The following NOL9 variants were observed in gnomAD, a reference collection of about 807,000 sequenced individuals.
NOL9 encodes nucleolar protein 9.
Under a neutral mutation model 67.9 loss-of-function variants are expected in NOL9, and 28 were observed. That is an observed-to-expected ratio of 0.41 (90% CI 0.31 to 0.57). The LOEUF (loss-of-function observed/expected upper bound fraction) is 0.57. NOL9 is among the 20% of genes least tolerant of loss of function. The pLI is 0.25. For missense variants in NOL9, 777 were observed against 897.0 expected, an observed-to-expected ratio of 0.87 and a Z score of 1.71; for synonymous variants, 356 against 352.2, an observed-to-expected ratio of 1.01 and a Z score of -0.12.
At chr1:6,546,001 G>C (rs1163496318) in intron 3 of NOL9, among the ~76,000 whole-genome samples, 1 of 144,850 alleles carries the variant, frequency 6.9e-6, no homozygotes. Context: ...GAAAACAACA[G>C]AACAAGGCCT....
intron 3 of NOL9, among the ~76,000 whole-genome samples, chr1:6,546,315 G>A (rs1264699434): frequency 6.6e-6 from 1 of 152,174 alleles, no homozygotes; most frequent in Non-Finnish European, 1.5e-5. Context: ...TTCACTTTCA[G>A]TAACCAAGGC....
chr1:6,532,836 C>T (rs1447423803), intron 7 of NOL9, 76 bp from the exon 8 acceptor site: 41 of 1,307,632 alleles, frequency 3.1e-5, no homozygotes, highest in Non-Finnish European at 3.9e-5. Context: ...CATGCTCCTA[C>T]GACAAATGGA....
chr1:6,532,314 C>A (rs2148652109), intron 8 of NOL9, 149 bp downstream of exon 8: 1 of 809,114 alleles, frequency 1.2e-6, no homozygotes, highest in Non-Finnish European at 1.9e-6. Context: ...CATAACAGTT[C>A]AGAAAACAAC....
rs1285968401 is a variant in NOL9, at chr1:6,542,297, A to G, written c.978-370T>C. 6.6e-5 allele frequency among the ~76,000 whole-genome samples: 10 copies of G among 151,436 alleles called. No homozygotes were observed. In the East Asian group the frequency reaches 1.9e-3, roughly 29 times the overall value. On this transcript the variant is annotated intron_variant, in intron 5 of 11. Coordinates refer to ENST00000377705, the MANE Select transcript of NOL9 (RefSeq NM_024654.5). Reference sequence around the variant, plus strand: ...TGCCTCAGCCTCCGGAGTAGCTGGGACTACAGGCACCCACCACCATGCCCG... The same window carrying G: ...TGCCTCAGCCTCCGGAGTAGCTGGGGCTACAGGCACCCACCACCATGCCCG...
chr1:6,541,531 C>T lies in NOL9; in HGVS notation c.1075+299G>A, dbSNP rs138026089. Among the ~76,000 whole-genome samples the T allele has an allele frequency of 5.9e-5, 9 of 152,250 alleles. No individual in the cohort carries two copies. In the East Asian group the frequency reaches 1.7e-3, roughly 29 times the overall value. ...TAATTTCTTAGTCTCGATAGTTGTA[C>T]ATAAGATGTTGAAATTAGGGAAACA... is the stretch of plus-strand genomic sequence containing the variant. On this transcript the variant is annotated intron_variant, in intron 6 of 11. Coordinates refer to ENST00000377705, the MANE Select transcript of NOL9 (RefSeq NM_024654.5).
At chr1:6,528,263 A>G (rs1638935330) in intron 10 of NOL9, among the ~76,000 whole-genome samples, 1 of 152,194 alleles carries the variant, frequency 6.6e-6, no homozygotes, top group African/African-American at 2.4e-5. Flanking sequence ...GGGAAGTGCC[A>G]GGCTGTGGCA....
At chr1:6,550,339 TATGA>T in intron 2 of NOL9, 53 bp downstream of exon 2, 1 of 1,510,300 alleles carries the variant, frequency 6.6e-7, no homozygotes, top group East Asian at 2.3e-5. Flanking sequence ...CCCTAAAAAT[TATGA>T]ATTAGCCTTA....
At chr1:6,544,749 A>T in intron 5 of NOL9, 77 bp downstream of exon 5, 6 of 1,421,268 alleles carry the variant, frequency 4.2e-6, no homozygotes, top group Non-Finnish European at 5.9e-6. Flanking sequence ...GCCAAGAAGC[A>T]TTCCCTCCAA....
chr1:6,541,767 T>C, intron 6 of NOL9, 63 bp downstream of exon 6: 1 of 966,548 alleles, frequency 1.0e-6, no homozygotes, highest in Non-Finnish European at 1.5e-6. Context: ...TCTGAGTTTT[T>C]GTTAGCATCA....
intron 10 of NOL9, among the ~76,000 whole-genome samples, chr1:6,528,265 G>T (rs1174030265): frequency 6.6e-6 from 1 of 152,224 alleles, no homozygotes; most frequent in Admixed American, 6.5e-5. Flanking sequence ...GAAGTGCCAG[G>T]CTGTGGCACA....
At chr1:6,553,917 G>A (rs549276043) in intron 1 of NOL9, among the ~76,000 whole-genome samples, 190 bp downstream of exon 1, 1 of 152,158 alleles carries the variant, frequency 6.6e-6, no homozygotes, top group African/African-American at 2.4e-5. Flanking sequence ...CCCCTTAGCA[G>A]GGTACCTGTT....
chr1:6,525,679 C>A lies in NOL9; in HGVS notation c.*175G>T, dbSNP rs1638867414. ...AGACTAGAACAAATTCTAGCTCATG[C>A]AGCTTTAAAAGAGAAACTTAAGACT... On this transcript the variant is annotated 3_prime_UTR_variant, in exon 12 of 12. Transcript: ENST00000377705. The A allele has an allele frequency of 1.5e-6, 1 of 674,558 alleles. No homozygotes were observed. The highest frequency in any genetic ancestry group is 1.9e-5 in the South Asian group (1 of 52,920). The allele number at this position is 674,558 out of a possible 1,614,324, so 41.8% of individuals were successfully genotyped here. A position where few individuals can be genotyped will look rare whatever the true frequency, so the allele number is the denominator to read the frequency against.
intron 1 of NOL9, among the ~76,000 whole-genome samples, 171 bp downstream of exon 1, chr1:6,553,936 G>A (rs1639604331): frequency 6.6e-6 from 1 of 152,192 alleles, no homozygotes; most frequent in African/African-American, 2.4e-5. Flanking sequence ...TTACCCTGCT[G>A]CTCAGGGGAG....
At chr1:6,527,959 T>A (rs1167146451) in intron 10 of NOL9, among the ~76,000 whole-genome samples, 1 of 152,050 alleles carries the variant, frequency 6.6e-6, no homozygotes, top group Non-Finnish European at 1.5e-5. Flanking sequence ...AAAAAGTCCT[T>A]GATTGTTGGT....
intron 6 of NOL9, among the ~76,000 whole-genome samples, 156 bp from the exon 7 acceptor site, chr1:6,533,597 T>G (rs141817050): frequency 3.6e-4 from 55 of 152,366 alleles, no homozygotes; most frequent in African/African-American, 1.1e-3. Context: ...TAATTCCATT[T>G]TTTGGAAATC....
chr1:6,531,918 C>T, intron 9 of NOL9, 50 bp downstream of exon 9: 1 of 1,462,770 alleles, frequency 6.8e-7, no homozygotes. Flanking sequence ...CAGAAAACCA[C>T]ACAAGTGTGT....
intron 5 of NOL9, 76 bp downstream of exon 5, chr1:6,544,750 T>C (rs1639383258): frequency 6.8e-7 from 1 of 1,463,062 alleles, no homozygotes; most frequent in Admixed American, 1.7e-5. Context: ...CCAAGAAGCA[T>C]TCCCTCCAAA....
At chr1:6,531,924 T>C in intron 9 of NOL9, 44 bp downstream of exon 9, 1 of 1,481,954 alleles carries the variant, frequency 6.7e-7, no homozygotes, top group Middle Eastern at 1.7e-4. Flanking sequence ...ACCACACAAG[T>C]GTGTAACAAA....
At position 6,550,634 on chromosome 1, in the gene NOL9, A is replaced by G; in HGVS notation, c.397-19T>C. 1 of 1,568,500 alleles carries G rather than the reference A, an allele frequency of 6.4e-7. No individual in the cohort carries two copies. The highest frequency in any genetic ancestry group is 8.8e-7 in the Non-Finnish European group (1 of 1,139,658). ...TAAAACCCTAGCAGGGAGAGAAAAC[A>G]GAAAAAACATTATAGATCATGTCAC... On this transcript the variant is annotated intron_variant, in intron 1 of 11. Coordinates refer to ENST00000377705, the MANE Select transcript of NOL9 (RefSeq NM_024654.5).
Sources: gnomAD v4.1 joint callset for allele counts (sites outside exome capture counted in the v4.1 genomes callset) on GRCh38, gnomAD v4.1.1 for gene constraint, MANE v1.5 for transcripts, NCBI Gene and HGNC (gene_info 2026-07-23, HGNC 2026-07-21) for gene names.